SLC22A11: variants seen among roughly 807,000 people sequenced by gnomAD.
The protein encoded by SLC22A11 is organic anion transporter 4.
In SLC22A11, 42 loss-of-function variants were observed where a neutral mutation model predicts 49.4. That is an observed-to-expected ratio of 0.85 (90% CI 0.66 to 1.10). SLC22A11 has a LOEUF of 1.10. Among genes scored for constraint, SLC22A11 ranks in the 50% least tolerant of loss-of-function variants. The pLI is 0.00. For missense variants in SLC22A11, 685 were observed against 731.6 expected (o/e 0.94, Z 0.74); for synonymous variants, 304 against 315.8 (o/e 0.96, Z 0.40).
intron 8 of SLC22A11, 90 bp downstream of exon 8, chr11:64,568,868 A>T: frequency 8.1e-7 from 1 of 1,235,336 alleles, no homozygotes; most frequent in Non-Finnish European, 1.2e-6. Context: ...CAGCCAGGGA[A>T]ATGCAGCCAG....
chr11:64,568,859 A>C (rs998117006), intron 8 of SLC22A11, 81 bp downstream of exon 8: 34 of 1,331,526 alleles, frequency 2.6e-5, no homozygotes, highest in Non-Finnish European at 3.6e-5. Context: ...AGGGTCTGGC[A>C]GCCAGGGAAA....
rs904492987 is a variant in SLC22A11, at chr11:64,564,662, A to T, written c.942+234A>T. Among the ~76,000 whole-genome samples the T allele has an allele frequency of 1.3e-5, 2 of 150,992 alleles. No homozygotes were observed. Among genetic ancestry groups the T allele is most frequent in the African/African-American group, 2.4e-5 (1 of 40,992 alleles). The stretch of plus-strand genomic sequence containing the variant: ...ACCACCACTGTCCACACCCACCATC[A>T]CCTTCACTGCCATCACTCCATCACC... On this transcript the variant is annotated intron_variant, in intron 5 of 9. Coordinates refer to ENST00000301891, the MANE Select transcript of SLC22A11 (RefSeq NM_018484.4). This position sits in a 1 kb window ranked among gnomAD's most constrained non-coding sequence, Gnocchi z 4.2.
Position 64,570,092 on chromosome 11 carries a change from C to T in SLC22A11, c.1589+234C>T, listed in dbSNP as rs370488700. Reference sequence around the variant, plus strand: ...GTCTCATGGGTAGAAAGTGATCATACCTCATGCAGGAAAATGTAATGGTTG... The same window carrying T: ...GTCTCATGGGTAGAAAGTGATCATATCTCATGCAGGAAAATGTAATGGTTG... On this transcript the variant is annotated intron_variant, in intron 9 of 9. Coordinates refer to ENST00000301891, the MANE Select transcript of SLC22A11 (RefSeq NM_018484.4). Among the ~76,000 whole-genome samples, 31 of 152,362 alleles carry T rather than the reference C, an allele frequency of 2.0e-4. No homozygotes were observed. The East Asian group carries it at 5.4e-3, about 27-fold the overall frequency.
rs1328922914 is a variant in SLC22A11, at chr11:64,571,756, G to A, written c.*714G>A. On this transcript the variant is annotated 3_prime_UTR_variant, in exon 10 of 10. Transcript: ENST00000301891. The stretch of plus-strand genomic sequence containing the variant: ...AACACACCACCAAACACCAGACAGA[G>A]GAGGCTGGCAGCAGGTTACCACACA... 1.3e-5 allele frequency: 2 copies of A among 152,486 alleles called. No homozygotes were observed. The highest frequency in any genetic ancestry group is 2.9e-5 in the Non-Finnish European group (2 of 68,236). The allele number at this position is 152,486 out of a possible 1,614,324, so 9.4% of individuals were successfully genotyped here. A position where few individuals can be genotyped will look rare whatever the true frequency, so the allele number is the denominator to read the frequency against.
Position 64,568,427 on chromosome 11 carries a change from C to G in SLC22A11, c.1274-243C>G, listed in dbSNP as rs537020995. 9.8e-5 allele frequency among the ~76,000 whole-genome samples: 15 copies of G among 152,356 alleles called. 1 individual carries two copies. In the South Asian group the frequency reaches 2.3e-3, roughly 23 times the overall value. ...TTTCAGTGCAGCCTCCACGGCCGGC[C>G]AGGCTCAGCTACCCTAGACCTGGCT... On this transcript the variant is annotated intron_variant, in intron 7 of 9. Transcript: ENST00000301891.
chr11:64,569,976 C>T (rs566158371), intron 9 of SLC22A11, 118 bp downstream of exon 9: 130 of 848,926 alleles, frequency 1.5e-4, no homozygotes, highest in Middle Eastern at 5.5e-4. Context: ...TTTCTGAAAC[C>T]ATTTAATCTT....
intron 2 of SLC22A11, among the ~76,000 whole-genome samples, chr11:64,560,957 G>A (rs1215495600): frequency 6.6e-6 from 1 of 152,212 alleles, no homozygotes; most frequent in Non-Finnish European, 1.5e-5. Flanking sequence ...CCTTCTCTGG[G>A]CCTCAGTTTC....
chr11:64,571,545 T>G lies in SLC22A11; in HGVS notation c.*503T>G, dbSNP rs1209236832. On this transcript the variant is annotated 3_prime_UTR_variant, in exon 10 of 10. Transcript: ENST00000301891. Reference sequence around the variant, plus strand: ...CTGCCAGATACAGGTGTCCAGGTTGTGCACTGGCCCGAGGCACGCAGCCAA... The same window carrying G: ...CTGCCAGATACAGGTGTCCAGGTTGGGCACTGGCCCGAGGCACGCAGCCAA... 6.4e-6 allele frequency: 1 copy of G among 156,206 alleles called. No homozygotes were observed. The highest frequency in any genetic ancestry group is 2.4e-5 in the African/African-American group (1 of 41,530). 9.7% of individuals were successfully genotyped at this position (156,206 alleles called of 1,614,324 possible).
In SLC22A11 at chr11:64,556,169, GC is replaced by G; in HGVS notation, c.171del (p.Ser58LeufsTer7). On this transcript the variant is annotated frameshift_variant, in exon 1 of 10. Coordinates refer to ENST00000301891, the MANE Select transcript of SLC22A11 (RefSeq NM_018484.4). LOFTEE classifies it high-confidence loss of function. Reference sequence around the variant, plus strand: ...TGCTGGACACACATGCTGGACAATGGCTCTGCGGTTTCCACAAACATGACCC... The same window carrying G: ...TGCTGGACACACATGCTGGACAATGGTCTGCGGTTTCCACAAACATGACCC... ...HRCWTHMLDN[G>X]SAVSTNMTPK... The G allele has an allele frequency of 1.2e-6, 2 of 1,614,148 alleles. No individual in the cohort carries two copies. Among genetic ancestry groups the G allele is most frequent in the African/African-American group, 2.7e-5 (2 of 75,038 alleles).
chr11:64,567,569 C>T (rs375104413), intron 6 of SLC22A11, 30 bp from the exon 7 acceptor site: 86 of 1,607,776 alleles, frequency 5.3e-5, no homozygotes, highest in Non-Finnish European at 7.1e-5. Flanking sequence ...CCCGGCAGGG[C>T]AGGGACCTGA....
At position 64,565,770 on chromosome 11, in the gene SLC22A11, C is replaced by T. The variant is rs1382086827; in HGVS notation, c.1058+433C>T. The stretch of plus-strand genomic sequence containing the variant: ...TGCATTCGCTGACCCCTCCATGCAA[C>T]CCCACTTCACTGATGGGGAAAGAGG... On this transcript the variant is annotated intron_variant, in intron 6 of 9. Coordinates refer to ENST00000301891, the MANE Select transcript of SLC22A11 (RefSeq NM_018484.4). This position sits in a 1 kb window ranked among gnomAD's most constrained non-coding sequence, Gnocchi z 4.1. The T allele has an allele frequency of 1.2e-5, 4 of 347,132 alleles. No individual in the cohort carries two copies. The highest frequency in any genetic ancestry group is 1.7e-5 in the Non-Finnish European group (3 of 173,872). The allele number at this position is 347,132 out of a possible 1,614,324, so 21.5% of individuals were successfully genotyped here.
rs779188967 is a variant in SLC22A11, at chr11:64,555,977, G to A, written c.-23G>A. The stretch of plus-strand genomic sequence containing the variant: ...CAAACAGCAGTTAGGTCAGCAGTCC[G>A]CTCAGCCGAGGCAGCTCTGTTCATG... On this transcript the variant is annotated 5_prime_UTR_variant, in exon 1 of 10. Transcript: ENST00000301891. 19 of 1,574,080 alleles carry A rather than the reference G, an allele frequency of 1.2e-5. No homozygotes were observed. Among genetic ancestry groups the A allele is most frequent in the East Asian group, 9.0e-5 (4 of 44,478 alleles).
rs971302409 is a variant in SLC22A11 at position 64,572,372 on chromosome 11, T to C, written c.*1330T>C. 1 of 152,268 alleles carries C rather than the reference T, an allele frequency of 6.6e-6. No homozygotes were observed. Among genetic ancestry groups the C allele is most frequent in the African/African-American group, 2.4e-5 (1 of 41,430 alleles). 9.4% of individuals were successfully genotyped at this position (152,268 alleles called of 1,614,324 possible). ...GCCCTGATCCTAGCCCAGGGCTCTTTCCAGCACAGGAGGCTCCTAGCCCTC... is the reference window on the plus strand; with the variant it reads ...GCCCTGATCCTAGCCCAGGGCTCTTCCCAGCACAGGAGGCTCCTAGCCCTC... On this transcript the variant is annotated 3_prime_UTR_variant, in exon 10 of 10. Transcript: ENST00000301891.
Position 64,567,707 on chromosome 11 carries a change from G to A in SLC22A11, c.1167G>A (p.Arg389=). Residue 389 remains arginine (R), a synonymous_variant, in exon 7 of 10, where the codon CGG becomes CGA. Coordinates refer to ENST00000301891, the MANE Select transcript of SLC22A11 (RefSeq NM_018484.4). ...TCGGGGCCGTGGACTTCCTGGGCCG[G>A]GCCACCACTGCCCTCTTGCTCAGTT... ...ALFGAVDFLG[R]ATTALLLSFL... 5 of 1,613,870 alleles carry A rather than the reference G, an allele frequency of 3.1e-6. No individual in the cohort carries two copies. The highest frequency in any genetic ancestry group is 2.7e-5 in the African/African-American group (2 of 75,056).
At chr11:64,569,019 A>G (rs1485345184) in intron 8 of SLC22A11, among the ~76,000 whole-genome samples, 3 of 152,188 alleles carry the variant, frequency 2.0e-5, no homozygotes, top group African/African-American at 7.2e-5. Flanking sequence ...TCCAGATGGA[A>G]TCTTATAAGA....
rs1461300985 is a variant in SLC22A11, at chr11:64,571,129, G to A, written c.*87G>A. On this transcript the variant is annotated 3_prime_UTR_variant, in exon 10 of 10. Coordinates refer to ENST00000301891, the MANE Select transcript of SLC22A11 (RefSeq NM_018484.4). ...CAATCAGAGCGTGGAGGCGAGTTGG[G>A]CGACTTCAAGGGCCTGGCATGGCAG... The A allele has an allele frequency of 3.4e-6, 5 of 1,452,226 alleles. No individual in the cohort carries two copies. In the Admixed American group the frequency reaches 6.8e-5, roughly 20 times the overall value. 90.0% of individuals were successfully genotyped at this position (1,452,226 alleles called of 1,614,324 possible). A position where few individuals can be genotyped will look rare whatever the true frequency, so the allele number is the denominator to read the frequency against.
chr11:64,571,225 C>T lies in SLC22A11; in HGVS notation c.*183C>T. ...GGCTGAAGGCAGCTTCCACAGCTCA[C>T]TCCTCTTCTCCCTGCCCTGATCAGA... On this transcript the variant is annotated 3_prime_UTR_variant, in exon 10 of 10. Transcript: ENST00000301891. The T allele has an allele frequency of 1.6e-6, 1 of 625,392 alleles. No homozygotes were observed. Among genetic ancestry groups the T allele is most frequent in the Non-Finnish European group, 2.8e-6 (1 of 355,162 alleles). 38.7% of individuals were successfully genotyped at this position (625,392 alleles called of 1,614,324 possible).
At chr11:64,563,184 A>G (rs2038573975) in intron 4 of SLC22A11, among the ~76,000 whole-genome samples, 1 of 152,196 alleles carries the variant, frequency 6.6e-6, no homozygotes, top group East Asian at 1.9e-4. Flanking sequence ...GAGGAAGGCC[A>G]TCCCATAATT....
At chr11:64,557,107 G>A (rs1319498039) in intron 1 of SLC22A11, among the ~76,000 whole-genome samples, 1 of 152,212 alleles carries the variant, frequency 6.6e-6, no homozygotes, top group Non-Finnish European at 1.5e-5. Flanking sequence ...CCTTCTAGCA[G>A]CAAAGCCACC....
Sources: allele counts gnomAD v4.1 joint callset (sites outside exome capture counted in the v4.1 genomes callset), GRCh38; gene constraint gnomAD v4.1.1; non-coding constraint Gnocchi (gnomAD v3.1); transcripts MANE v1.5; gene names NCBI Gene and HGNC (gene_info 2026-07-23, HGNC 2026-07-21).